Variants in TENM1 observed in about 807,000 individuals in gnomAD.
The protein encoded by TENM1 is teneurin transmembrane protein 1.
A neutral mutation model predicts 174.8 loss-of-function variants in TENM1; 35 were observed. The ratio of observed to expected loss-of-function variants is 0.20; its 90% CI spans 0.15 to 0.27. The LOEUF is 0.27. Among genes scored for constraint, TENM1 ranks in the 10% least tolerant of loss-of-function variants. The pLI, the probability that TENM1 is intolerant of heterozygous loss-of-function variation, is 1.00. For synonymous variants in TENM1, 781 were observed against 798.7 expected (o/e 0.98, Z 0.37); for missense variants, 1,633 against 2,130.1 (o/e 0.77, Z 4.59).
chrX:124,596,126 A>C (rs2049885285), intron 11 of TENM1, among the ~76,000 whole-genome samples: 1 of 112,484 alleles, frequency 8.9e-6, no homozygotes, highest in Admixed American at 9.4e-5. Flanking sequence ...AAAAGCTTTC[A>C]AAATCACAAA....
intron 19 of TENM1, among the ~76,000 whole-genome samples, chrX:124,498,650 C>T (rs1411788038): frequency 9.2e-6 from 1 of 108,793 alleles, no homozygotes; most frequent in African/African-American, 3.3e-5. Flanking sequence ...AGGTTCTATT[C>T]ATCCTTTAAA....
intron 15 of TENM1, among the ~76,000 whole-genome samples, chrX:124,537,216 G>A (rs983677890): frequency 9.0e-6 from 1 of 111,465 alleles, no homozygotes; most frequent in African/African-American, 3.3e-5. Flanking sequence ...AAATTACCCA[G>A]TAAAATGATC....
chrX:124,454,532 T>A lies in TENM1; in HGVS notation c.3950-1041A>T, dbSNP rs752636106. Among the ~76,000 whole-genome samples the A allele has an allele frequency of 2.7e-5, 3 of 110,919 alleles. No individual in the cohort carries two copies. In the South Asian group the frequency reaches 1.2e-3, roughly 44 times the overall value. On this transcript the variant is annotated intron_variant, in intron 22 of 31. Transcript: ENST00000422452. ...GATTATCCTGCTTCAGCCTCCCAAA[T>A]AGCTAGGATTATAGGAGCCTGCCAG...
chrX:124,894,389 C>CA (rs767230498), intron 2 of TENM1, 37 bp from the exon 6 acceptor site: 20 of 1,064,535 alleles, frequency 1.9e-5, no homozygotes, highest in Non-Finnish European at 2.3e-5. Context: ...AAGCCTTGTC[C>CA]AAGTCATCTG....
chrX:125,154,375 C>T, the TENM1 span, among the ~76,000 whole-genome samples: 1 of 111,898 alleles, frequency 8.9e-6, no homozygotes, highest in African/African-American at 3.3e-5. Context: ...GTTTCTGAGA[C>T]GCAATTAAGA....
chrX:124,680,180 G>A (rs2052199899), intron 5 of TENM1, among the ~76,000 whole-genome samples: 1 of 111,473 alleles, frequency 9.0e-6, no homozygotes, highest in Non-Finnish European at 1.9e-5. Context: ...ACAGAGCAAT[G>A]AGGACACCTT....
chrX:124,959,288 C>T (rs1298785521), intron 1 of TENM1, among the ~76,000 whole-genome samples: 1 of 111,573 alleles, frequency 9.0e-6, no homozygotes, highest in African/African-American at 3.3e-5. Flanking sequence ...TATTTTCCCT[C>T]CTAGGTGTCT....
chrX:124,985,502 T>C, the TENM1 span, among the ~76,000 whole-genome samples: 1 of 112,076 alleles, frequency 8.9e-6, no homozygotes. Flanking sequence ...GTCATTTATA[T>C]CTTTAGGGTA....
intron 22 of TENM1, among the ~76,000 whole-genome samples, chrX:124,453,992 T>C (rs995274059): frequency 9.0e-6 from 1 of 111,651 alleles, no homozygotes; most frequent in African/African-American, 3.3e-5. Flanking sequence ...TGAGTTTTTT[T>C]CTCCATATTA....
intron 25 of TENM1, among the ~76,000 whole-genome samples, chrX:124,414,500 A>G (rs774804292): frequency 2.5e-4 from 28 of 109,974 alleles, no homozygotes; most frequent in African/African-American, 7.3e-4. Context: ...GCCTCAGGCC[A>G]GTATTCGTGC....
intron 1 of TENM1, among the ~76,000 whole-genome samples, chrX:124,934,699 A>G (rs2058220334): frequency 8.9e-6 from 1 of 111,764 alleles, no homozygotes; most frequent in African/African-American, 3.3e-5. Flanking sequence ...CAGTAGAAAC[A>G]AAAGGGCTAT....
intron 22 of TENM1, among the ~76,000 whole-genome samples, chrX:124,455,050 T>G (rs929456479): frequency 8.9e-6 from 1 of 112,464 alleles, no homozygotes; most frequent in African/African-American, 3.2e-5. Flanking sequence ...TTAGATGAAC[T>G]AATTCATTGG....
chrX:124,539,828 A>G (rs187154918), intron 15 of TENM1, among the ~76,000 whole-genome samples: 24 of 112,310 alleles, frequency 2.1e-4, no homozygotes, highest in African/African-American at 7.1e-4. Flanking sequence ...CTTGCAAGTC[A>G]TCAATAGTCT....
At chrX:124,506,943 C>T (rs1407257070) in intron 18 of TENM1, among the ~76,000 whole-genome samples, 1 of 111,625 alleles carries the variant, frequency 9.0e-6, no homozygotes, top group Non-Finnish European at 1.9e-5. Flanking sequence ...ACACCATGCT[C>T]TGCCTGACAC....
intron 14 of TENM1, among the ~76,000 whole-genome samples, chrX:124,553,327 C>T (rs976943556): frequency 1.8e-5 from 2 of 108,872 alleles, no homozygotes; most frequent in African/African-American, 6.7e-5. Flanking sequence ...TGATGAAACC[C>T]TGTCTCTACT....
At chrX:124,610,957 G>A (rs752628797) in intron 11 of TENM1, among the ~76,000 whole-genome samples, 2 of 111,097 alleles carry the variant, frequency 1.8e-5, no homozygotes, top group Non-Finnish European at 3.8e-5. Flanking sequence ...TAGCAGTGCT[G>A]GAACTAGATC....
At chrX:124,905,684 TAAGC>T (rs2057736897) in intron 1 of TENM1, among the ~76,000 whole-genome samples, 2 of 111,538 alleles carry the variant, frequency 1.8e-5, no homozygotes, top group Non-Finnish European at 3.8e-5. Flanking sequence ...TTGAGAAGAC[TAAGC>T]TGGTAGTGCG....
At chrX:124,464,729 T>C in intron 22 of TENM1, among the ~76,000 whole-genome samples, 1 of 112,048 alleles carries the variant, frequency 8.9e-6, no homozygotes, top group East Asian at 2.8e-4. Context: ...GGCACAAATA[T>C]GACAGCGGAA....
chrX:125,008,326 G>A, the TENM1 span, among the ~76,000 whole-genome samples: 1 of 111,129 alleles, frequency 9.0e-6, no homozygotes, highest in African/African-American at 3.3e-5. Flanking sequence ...TCAAGAAGAA[G>A]AGCTAACTAT....
Sources: gnomAD v4.1 joint callset for allele counts (sites outside exome capture counted in the v4.1 genomes callset) on GRCh38, gnomAD v4.1.1 for gene constraint, MANE v1.5 for transcripts, NCBI Gene and HGNC (gene_info 2026-07-23, HGNC 2026-07-21) for gene names.